Variants in FILIP1 observed in about 807,000 individuals in gnomAD.
FILIP1 encodes filamin A interacting protein 1.
A neutral mutation model predicts 102.1 loss-of-function variants in FILIP1; 61 were observed. The observed-to-expected ratio is 0.60, with a 90% CI of 0.49 to 0.74. The LOEUF (loss-of-function observed/expected upper bound fraction) is 0.74. FILIP1 is among the 30% of genes least tolerant of loss of function. The probability of loss-of-function intolerance (pLI) is 0.00; values close to 1 mark genes in which losing one functional copy is unlikely to be tolerated. For synonymous variants in FILIP1, 491 were observed against 526.9 expected (o/e 0.93, Z 0.93); for missense variants, 1,314 against 1,441.2 (o/e 0.91, Z 1.43).
At position 75,320,029 on chromosome 6, in the gene FILIP1, G is replaced by T; in HGVS notation, c.630-4827C>A. On this transcript the variant is annotated intron_variant, in intron 4 of 5. Coordinates refer to ENST00000237172, the MANE Select transcript of FILIP1 (RefSeq NM_015687.5). The stretch of plus-strand genomic sequence containing the variant: ...GGCAGAGTCGCCCAGTGCCGGTCCG[G>T]CTCTCATTTGCCCCGGTGCTGTCTC... 3 of 278,676 alleles carry T rather than the reference G, an allele frequency of 1.1e-5. No homozygotes were observed. The Admixed American group carries it at 1.2e-4, about 11-fold the overall frequency. The allele number at this position is 278,676 out of a possible 1,614,324, so 17.3% of individuals were successfully genotyped here. A position where few individuals can be genotyped will look rare whatever the true frequency, so the allele number is the denominator to read the frequency against.
intron 2 of FILIP1, among the ~76,000 whole-genome samples, chr6:75,397,720 T>C (rs1776517220): frequency 6.6e-6 from 1 of 152,096 alleles, no homozygotes; most frequent in Admixed American, 6.6e-5. Context: ...TCACTTTCAT[T>C]GGTGCAAATA....
intron 2 of FILIP1, among the ~76,000 whole-genome samples, chr6:75,375,240 A>G (rs1775713024): frequency 6.6e-6 from 1 of 152,218 alleles, no homozygotes; most frequent in Non-Finnish European, 1.5e-5. Context: ...AATTCAAAGC[A>G]CCACAGCTTC....
chr6:75,408,662 T>C (rs1776952885), intron 2 of FILIP1, among the ~76,000 whole-genome samples: 1 of 152,208 alleles, frequency 6.6e-6, no homozygotes, highest in South Asian at 2.1e-4. Flanking sequence ...AAGGAGTCTG[T>C]AAAGGAGAAA....
At chr6:75,460,370 T>C (rs1157154459) in intron 1 of FILIP1, among the ~76,000 whole-genome samples, 2 of 152,198 alleles carry the variant, frequency 1.3e-5, no homozygotes, top group Admixed American at 1.3e-4. Context: ...TCTTAATACA[T>C]CTTTCTGATG....
At chr6:75,459,960 G>T (rs1778969451) in intron 1 of FILIP1, among the ~76,000 whole-genome samples, 1 of 152,102 alleles carries the variant, frequency 6.6e-6, no homozygotes, top group South Asian at 2.1e-4. Flanking sequence ...GAAAGGAAAG[G>T]CTACTAACTC....
At chr6:75,394,205 G>A (rs1284296769) in intron 2 of FILIP1, among the ~76,000 whole-genome samples, 1 of 152,042 alleles carries the variant, frequency 6.6e-6, no homozygotes, top group Non-Finnish European at 1.5e-5. Context: ...AATATCTAGT[G>A]CACTTCCTGT....
At chr6:75,301,455 T>A (rs1202478546) in intron 6 of FILIP1, among the ~76,000 whole-genome samples, 1 of 152,224 alleles carries the variant, frequency 6.6e-6, no homozygotes, top group Non-Finnish European at 1.5e-5. Context: ...GGATTTTTTT[T>A]AAAGGGTTTG....
intron 1 of FILIP1, among the ~76,000 whole-genome samples, chr6:75,431,016 A>C (rs962760586): frequency 7.9e-5 from 12 of 152,246 alleles, no homozygotes; most frequent in Admixed American, 7.2e-4. Flanking sequence ...AGATTAACTC[A>C]GGAAAGTTGC....
At chr6:75,352,210 ATC>A (rs1774832445) in intron 4 of FILIP1, among the ~76,000 whole-genome samples, 1 of 152,222 alleles carries the variant, frequency 6.6e-6, no homozygotes, top group African/African-American at 2.4e-5. Context: ...GGAAAACTAG[ATC>A]TCTTTTTTGT....
chr6:75,426,552 G>A (rs2951928), intron 1 of FILIP1, among the ~76,000 whole-genome samples: 65,533 of 151,932 alleles, frequency 0.43, 14,540 homozygotes, highest in Middle Eastern at 0.47. Flanking sequence ...GTAGCTTGGA[G>A]AGGCAGCTGA....
intron 2 of FILIP1, among the ~76,000 whole-genome samples, chr6:75,372,318 G>A (rs1404591880): frequency 2.1e-5 from 3 of 139,722 alleles, no homozygotes; most frequent in Non-Finnish European, 4.5e-5. Flanking sequence ...GATGAGCTGA[G>A]ATCATGCCAT....
intron 2 of FILIP1, among the ~76,000 whole-genome samples, chr6:75,384,082 A>G (rs562664756): frequency 6.6e-6 from 1 of 152,312 alleles, no homozygotes; most frequent in Non-Finnish European, 1.5e-5. Flanking sequence ...TAAATTAATC[A>G]AGCCTCTTCT....
chr6:75,358,732 T>A (rs1367946366), intron 3 of FILIP1: 1 of 151,656 alleles, frequency 6.6e-6, no homozygotes, highest in African/African-American at 2.4e-5. Context: ...TTTTAATTTT[T>A]ATTTTTTTGA....
At position 75,315,174 on chromosome 6, in the gene FILIP1, C is replaced by G; in HGVS notation, c.658G>C (p.Ala220Pro). Residue 220 changes from alanine to proline, a missense_variant, in exon 5 of 6, where the codon GCT (alanine) becomes CCT (proline). Ala to Pro is a conservative substitution (Grantham distance 27). This residue lies in a region of FILIP1 where 494 missense variants were observed against 511.2 expected (regional missense o/e 0.97). Coordinates refer to ENST00000237172, the MANE Select transcript of FILIP1 (RefSeq NM_015687.5). ...RLKKLLEQEK[A>P]YQARKEKENA... is the part of the protein sequence containing the mutation. ...TCCTTTTCTTTGCGGGCTTGATAAG[C>G]CTTTTCTTGTTCAAGGAGCTTTTTT... 3 of 1,560,720 alleles carry G rather than the reference C, an allele frequency of 1.9e-6. No homozygotes were observed. The highest frequency in any genetic ancestry group is 2.6e-6 in the Non-Finnish European group (3 of 1,159,064).
intron 2 of FILIP1, among the ~76,000 whole-genome samples, chr6:75,405,748 GC>G (rs1776823763): frequency 6.6e-6 from 1 of 152,132 alleles, no homozygotes; most frequent in Non-Finnish European, 1.5e-5. Flanking sequence ...ATTCTGATTG[GC>G]TAATTTAAAG....
intron 3 of FILIP1, among the ~76,000 whole-genome samples, chr6:75,359,368 TGAAGGAAA>T (rs1775106156): frequency 6.6e-6 from 1 of 152,062 alleles, no homozygotes. Context: ...ATGTAGTGTT[TGAAGGAAA>T]GATGAGATAA....
intron 2 of FILIP1, among the ~76,000 whole-genome samples, chr6:75,363,949 TATG>T (rs1266879514): frequency 6.6e-6 from 1 of 152,212 alleles, no homozygotes; most frequent in Non-Finnish European, 1.5e-5. Flanking sequence ...GGTTCATTAT[TATG>T]ATATTCTAAA....
At chr6:75,354,625 C>A (rs1562493569) in intron 3 of FILIP1, among the ~76,000 whole-genome samples, 1 of 151,332 alleles carries the variant, frequency 6.6e-6, no homozygotes, top group Non-Finnish European at 1.5e-5. Context: ...GTAGTGTTCG[C>A]TCAACGTGAT....
At chr6:75,413,274 A>G (rs1024349823) in intron 2 of FILIP1, among the ~76,000 whole-genome samples, 2 of 152,176 alleles carry the variant, frequency 1.3e-5, no homozygotes, top group African/African-American at 4.8e-5. Flanking sequence ...ACTCAGGTCA[A>G]TAGCTTTCGG....
Sources: gnomAD v4.1 joint callset for allele counts (sites outside exome capture counted in the v4.1 genomes callset) on GRCh38, gnomAD v4.1.1 for gene constraint, gnomAD v4.1.1 regional missense constraint, MANE v1.5 for transcripts, NCBI Gene and HGNC (gene_info 2026-07-23, HGNC 2026-07-21) for gene names.